Variants in PEPD observed in about 807,000 individuals in gnomAD.
PEPD encodes xaa-Pro dipeptidase.
PEPD carries 53 observed loss-of-function variants against 60.7 expected under a neutral mutation model. That is an observed-to-expected ratio of 0.87 (90% CI 0.70 to 1.10). The LOEUF (loss-of-function observed/expected upper bound fraction) is 1.10, where lower values mean the gene tolerates loss of function less well. Ranked by LOEUF, PEPD falls within the 50% of genes least tolerant of loss-of-function variation. The probability of loss-of-function intolerance (pLI) is 0.00; values close to 1 mark genes in which losing one functional copy is unlikely to be tolerated. For missense variants in PEPD, 711 were observed against 711.9 expected, an observed-to-expected ratio of 1.00 and a Z score of 0.01; for synonymous variants, 267 against 284.1, an observed-to-expected ratio of 0.94 and a Z score of 0.60.
At chr19:33,407,729 C>T (rs760404977) in intron 11 of PEPD, among the ~76,000 whole-genome samples, 28 of 152,208 alleles carry the variant, frequency 1.8e-4, no homozygotes, top group Non-Finnish European at 3.5e-4. Flanking sequence ...GGGTTCATGG[C>T]GAACCCCAGG....
At chr19:33,449,230 C>G (rs1161017806) in intron 9 of PEPD, among the ~76,000 whole-genome samples, 1 of 152,250 alleles carries the variant, frequency 6.6e-6, no homozygotes, top group African/African-American at 2.4e-5. Context: ...CTCCTCAGCT[C>G]CTCTGGGGTC....
chr19:33,396,016 GCTC>G (rs1968350823), intron 12 of PEPD: 2 of 152,436 alleles, frequency 1.3e-5, no homozygotes, highest in African/African-American at 2.4e-5. Context: ...GGCCCAGGCT[GCTC>G]CTCGAGTCTC....
chr19:33,444,103 C>T (rs530821473), intron 9 of PEPD, among the ~76,000 whole-genome samples: 13 of 152,130 alleles, frequency 8.5e-5, no homozygotes, highest in African/African-American at 1.9e-4. Flanking sequence ...TGTCCTCAGG[C>T]GGGTAGGGCG....
At chr19:33,506,339 CACA>C (rs1275020437) in intron 3 of PEPD, among the ~76,000 whole-genome samples, 8 of 147,332 alleles carry the variant, frequency 5.4e-5, no homozygotes, top group East Asian at 2.1e-4. Context: ...CACACCCACA[CACA>C]ACACAGGACA....
At chr19:33,517,474 A>G (rs1292307050) in intron 1 of PEPD, among the ~76,000 whole-genome samples, 1 of 151,058 alleles carries the variant, frequency 6.6e-6, no homozygotes, top group Non-Finnish European at 1.5e-5. Flanking sequence ...CAGGAAAATC[A>G]CTTGAATCTG....
intron 7 of PEPD, among the ~76,000 whole-genome samples, chr19:33,471,073 C>T (rs138405623): frequency 0.011 from 1,682 of 152,228 alleles, 26 homozygotes; most frequent in South Asian, 0.071. Flanking sequence ...TCTCTGCCAT[C>T]GAGGCCCAGG....
At chr19:33,428,381 C>T (rs950881370) in intron 9 of PEPD, among the ~76,000 whole-genome samples, 6 of 152,186 alleles carry the variant, frequency 3.9e-5, no homozygotes, top group African/African-American at 1.4e-4. Context: ...CTTCTAGCAC[C>T]TTCTATCGGA....
chr19:33,465,095 G>C (rs1457933826), intron 7 of PEPD, among the ~76,000 whole-genome samples: 1 of 152,168 alleles, frequency 6.6e-6, no homozygotes, highest in African/African-American at 2.4e-5. Flanking sequence ...TTTGCAGTGA[G>C]AACGGAGTTG....
rs769639270 is a variant in PEPD at position 33,391,278 on chromosome 19, GCCAT to G, written c.1152+13_1152+16del. ...AGCTGATGGGCAGGCCACTCCGCCT[GCCAT>G]GTCCACACTGACCTCTGGGTAGCCT... is the stretch of plus-strand genomic sequence containing the variant. On this transcript the variant is annotated intron_variant, in intron 13 of 14. Transcript: ENST00000244137. 73 of 1,603,892 alleles carry G rather than the reference GCCAT, an allele frequency of 4.6e-5. No individual in the cohort carries two copies. Among genetic ancestry groups the G allele is most frequent in the Non-Finnish European group, 6.0e-5 (71 of 1,174,030 alleles).
intron 11 of PEPD, among the ~76,000 whole-genome samples, chr19:33,405,812 G>C (rs534767992): frequency 8.6e-4 from 131 of 152,264 alleles, no homozygotes; most frequent in Non-Finnish European, 1.6e-3. Context: ...CCCCCTTTTC[G>C]TGTGACGGCC....
At chr19:33,424,912 A>G (rs1390194123) in intron 9 of PEPD, among the ~76,000 whole-genome samples, 1 of 152,184 alleles carries the variant, frequency 6.6e-6, no homozygotes, top group East Asian at 1.9e-4. Context: ...TACCATGAGA[A>G]CAGTATGGGG....
chr19:33,419,208 A>G (rs1438803024), intron 9 of PEPD, among the ~76,000 whole-genome samples: 1 of 152,122 alleles, frequency 6.6e-6, no homozygotes, highest in Non-Finnish European at 1.5e-5. Context: ...CATGTGGGCA[A>G]GCAGATGAAG....
intron 7 of PEPD, chr19:33,477,432 T>C (rs1024656687): frequency 5.9e-6 from 1 of 169,060 alleles, no homozygotes; most frequent in African/African-American, 2.4e-5. Flanking sequence ...CGTGCAGCCA[T>C]CCATCAAAGA....
intron 7 of PEPD, among the ~76,000 whole-genome samples, chr19:33,468,389 A>C (rs1284300020): frequency 6.6e-6 from 1 of 152,266 alleles, no homozygotes; most frequent in Non-Finnish European, 1.5e-5. Context: ...GAGGACGCAG[A>C]CCAGCACTCG....
chr19:33,454,658 G>A (rs1969763203), intron 9 of PEPD, among the ~76,000 whole-genome samples: 1 of 151,778 alleles, frequency 6.6e-6, no homozygotes, highest in African/African-American at 2.4e-5. Context: ...AAAAAAGGTT[G>A]AACAAATAAA....
intron 8 of PEPD, 111 bp from the exon 9 acceptor site, chr19:33,463,152 A>T: frequency 1.3e-6 from 1 of 788,946 alleles, no homozygotes; most frequent in Non-Finnish European, 2.3e-6. Context: ...AAAAGGAAAA[A>T]AAGAATGATA....
At chr19:33,452,135 A>G (rs187971154) in intron 9 of PEPD, among the ~76,000 whole-genome samples, 47 of 152,330 alleles carry the variant, frequency 3.1e-4, no homozygotes, top group Non-Finnish European at 2.4e-4. Context: ...AACCAAAAAG[A>G]TTCACACCAG....
At chr19:33,468,202 C>G (rs543415880) in intron 7 of PEPD, among the ~76,000 whole-genome samples, 12 of 152,156 alleles carry the variant, frequency 7.9e-5, no homozygotes, top group Admixed American at 2.6e-4. Context: ...CGGTGCACCC[C>G]CTGGCCAGCT....
intron 4 of PEPD, among the ~76,000 whole-genome samples, chr19:33,496,744 G>A (rs1177950800): frequency 6.6e-6 from 1 of 152,208 alleles, no homozygotes. Flanking sequence ...TTCTCCGGCA[G>A]CCCCCGGCCT....
Sources: gnomAD v4.1 joint callset for allele counts (sites outside exome capture counted in the v4.1 genomes callset) on GRCh38, gnomAD v4.1.1 for gene constraint, MANE v1.5 for transcripts, NCBI Gene and HGNC (gene_info 2026-07-23, HGNC 2026-07-21) for gene names.